CEP170B: variants seen among roughly 807,000 people sequenced by gnomAD.
CEP170B encodes the protein centrosomal protein of 170 kDa protein B.
CEP170B carries 55 observed loss-of-function variants against 120.6 expected under a neutral mutation model. The ratio of observed to expected loss-of-function variants is 0.46; its 90% CI spans 0.37 to 0.57. CEP170B has a LOEUF of 0.57. Ranked by LOEUF, CEP170B falls within the 20% of genes least tolerant of loss-of-function variation. CEP170B has a pLI of 0.00. For synonymous variants in CEP170B, 1,033 were observed against 954.5 expected (o/e 1.08, Z -1.52); for missense variants, 2,212 against 2,253.3 (o/e 0.98, Z 0.37).
intron 6 of CEP170B, among the ~76,000 whole-genome samples, chr14:104,882,123 G>A (rs572267328): frequency 6.6e-6 from 1 of 152,300 alleles, no homozygotes; most frequent in African/African-American, 2.4e-5. Context: ...GGAAGGGCTG[G>A]GCTGCCGGCT....
At chr14:104,876,518 C>T (rs561282062) in intron 3 of CEP170B, among the ~76,000 whole-genome samples, 173 bp downstream of exon 3, 1 of 151,018 alleles carries the variant, frequency 6.6e-6, no homozygotes, top group South Asian at 2.1e-4. Context: ...CAGCCCTGGC[C>T]CCTCCTTCTC....
Position 104,887,218 on chromosome 14 carries a change from G to A in CEP170B, c.2979G>A (p.Gln993=). 1.2e-6 allele frequency: 2 copies of A among 1,605,906 alleles called. No individual in the cohort carries two copies. The highest frequency in any genetic ancestry group is 2.2e-5 in the South Asian group (2 of 91,046). Reference sequence around the variant, plus strand: ...TGTCGCCATCCCCGCCAGCTGCACAGGACCCGGGAGGCACCGCCCTGGTCA... The same window carrying A: ...TGTCGCCATCCCCGCCAGCTGCACAAGACCCGGGAGGCACCGCCCTGGTCA... ...KEMSPSPPAA[Q]DPGGTALVSA... Residue 993 remains glutamine (Q), a synonymous_variant, in exon 12 of 19, where the codon CAG becomes CAA. Coordinates refer to ENST00000414716, the MANE Select transcript of CEP170B (RefSeq NM_001112726.3).
Position 104,884,532 on chromosome 14 carries a change from C to G in CEP170B, c.1753C>G (p.Arg585Gly), listed in dbSNP as rs998323582. The G allele has an allele frequency of 6.4e-7, 1 of 1,558,322 alleles. No homozygotes were observed. Among genetic ancestry groups the G allele is most frequent in the Non-Finnish European group, 8.7e-7 (1 of 1,151,478 alleles). ...GCAGGACACGGAGGTGGAGGAGGCC[C>G]GGAAGATGATCGACCAGGTGCAGCC... ...EAQDTEVEEA[R>G]KMIDQVFGVL... Residue 585 changes from arginine to glycine, a missense_variant, in exon 9 of 19, where the codon CGG becomes GGG. By Grantham distance (125) the Arg-to-Gly change is moderately radical. Coordinates refer to ENST00000414716, the MANE Select transcript of CEP170B (RefSeq NM_001112726.3).
chr14:104,887,913 C>T lies in CEP170B; in HGVS notation c.3674C>T (p.Ala1225Val). The T allele has an allele frequency of 1.3e-6, 2 of 1,550,984 alleles. No homozygotes were observed. Among genetic ancestry groups the T allele is most frequent in the East Asian group, 2.4e-5 (1 of 42,052 alleles). Residue 1225 changes from alanine (A) to valine (V), a missense_variant, in exon 12 of 19, where the codon GCC becomes GTC. Physicochemically the swap from Ala to Val is moderately conservative, Grantham distance 64. This residue lies in a region of CEP170B where 2,166 missense variants were observed against 2,166.7 expected (regional missense o/e 1.00). Transcript: ENST00000414716. The part of the protein sequence containing the change: ...RAVSRKAANT[A>V]TTTGPRQPFS... ...GTCTCCAGGAAGGCTGCCAACACAG[C>T]CACCACCACGGGTCCCCGCCAGCCC... is the stretch of plus-strand genomic sequence containing the variant.
chr14:104,893,617 G>C lies in CEP170B; in HGVS notation c.4133G>C (p.Ser1378Thr), dbSNP rs556794072. ...GACTTTGACCAGAACATGAACGACA[G>C]CTGTGAGGACGCCCTGGCCAACAAG... ...SRDFDQNMND[S>T]CEDALANKTR... is the part of the protein sequence containing the mutation. The change falls in exon 15 of 19, where the codon AGC becomes ACC. Residue 1378 changes from serine to threonine, a missense_variant. Ser to Thr is a moderately conservative substitution (Grantham distance 58). This residue lies in a region of CEP170B where 2,166 missense variants were observed against 2,166.7 expected (regional missense o/e 1.00). Transcript: ENST00000414716. The C allele has an allele frequency of 6.3e-7, 1 of 1,599,184 alleles. No individual in the cohort carries two copies. The highest frequency in any genetic ancestry group is 1.3e-5 in the African/African-American group (1 of 74,742).
rs756896563 is a variant in CEP170B at position 104,887,289 on chromosome 14, C to T, written c.3050C>T (p.Pro1017Leu). The T allele has an allele frequency of 1.2e-5, 20 of 1,609,118 alleles. 1 individual carries two copies. The highest frequency in any genetic ancestry group is 1.1e-4 in the African/African-American group (8 of 74,898). The change falls in exon 12 of 19, where the codon CCG (proline) becomes CTG (leucine). Residue 1017 changes from proline to leucine, a missense_variant. Physicochemically the swap from Pro to Leu is moderately conservative, Grantham distance 98. Around this residue, in one of 2 missense-constraint regions of CEP170B, gnomAD observed 2,166 missense variants for 2,166.7 expected, o/e 1.00. Coordinates refer to ENST00000414716, the MANE Select transcript of CEP170B (RefSeq NM_001112726.3). ...GAGAGGCAGCATCACCCACTTGGCC[C>T]GACGGACATGGGCCGTGGAGAGCCG... ...SSERQHHPLG[P>L]TDMGRGEPVR...
At chr14:104,875,077 C>T (rs369440970) in intron 2 of CEP170B, among the ~76,000 whole-genome samples, 1 of 152,226 alleles carries the variant, frequency 6.6e-6, no homozygotes, top group African/African-American at 2.4e-5. Flanking sequence ...ATGACGGTGC[C>T]CTGTGGTGGG....
intron 12 of CEP170B, chr14:104,889,388 G>T (rs1896675970): frequency 1.9e-6 from 2 of 1,038,058 alleles, no homozygotes; most frequent in Non-Finnish European, 2.7e-6. Flanking sequence ...CTGGGTGGGG[G>T]CACCAGCCTC....
rs1896695618 is a variant in CEP170B at position 104,889,705 on chromosome 14, G to T, written c.3825G>T (p.Glu1275Asp). ...GPRDTDDDEE[E>D]PDPYGFIVQT... The stretch of plus-strand genomic sequence containing the variant: ...GGGACACGGACGACGATGAGGAGGA[G>T]CCTGACCCTTATGGTTTCATCGTGC... Residue 1275 changes from glutamate (E) to aspartate (D), a missense_variant, in exon 13 of 19, where the codon GAG becomes GAT. Physicochemically the swap from Glu to Asp is conservative, Grantham distance 45. Transcript: ENST00000414716. The T allele has an allele frequency of 6.2e-7, 1 of 1,611,890 alleles. No individual in the cohort carries two copies. Among genetic ancestry groups the T allele is most frequent in the Non-Finnish European group, 8.5e-7 (1 of 1,179,436 alleles).
Position 104,883,697 on chromosome 14 carries a change from C to T in CEP170B, c.1052-134C>T. ...TGCGTCTTCCCGTTGCACTTCTTTG[C>T]CCTGTGTGGGGGGGCCCTGAGGGCT... On this transcript the variant is annotated intron_variant, in intron 8 of 18. Transcript: ENST00000414716. 2.7e-6 allele frequency: 3 copies of T among 1,101,680 alleles called. No individual in the cohort carries two copies. In the South Asian group the frequency reaches 4.9e-5, roughly 18 times the overall value. 68.2% of individuals were successfully genotyped at this position (1,101,680 alleles called of 1,614,324 possible).
chr14:104,872,476 T>TGCGC (rs1211307252), intron 2 of CEP170B, among the ~76,000 whole-genome samples: 2 of 109,484 alleles, frequency 1.8e-5, no homozygotes. Context: ...GTGCCGTGTG[T>TGCGC]GTGCGTGTGT....
chr14:104,886,017 C>T lies in CEP170B; in HGVS notation c.1945-23C>T, dbSNP rs1360193854. The T allele has an allele frequency of 2.6e-6, 4 of 1,510,020 alleles. No homozygotes were observed. The East Asian group carries it at 7.4e-5, about 28-fold the overall frequency. The allele number at this position is 1,510,020 out of a possible 1,614,324, so 93.5% of individuals were successfully genotyped here. On this transcript the variant is annotated intron_variant, in intron 10 of 18. Transcript: ENST00000414716. ...TCGCCGTTGGGCTTGCGTGTGGAAA[C>T]ACTCCCACCCTCCTCTCCACAGGGC...
chr14:104,870,440 A>G lies in CEP170B; in HGVS notation c.105+1885A>G, dbSNP rs998599360. ...CAGCTGTATTTGGCGGGTTGCTCCC[A>G]TGGTCTGCGTACAGGGGTGGCATCA... is the stretch of plus-strand genomic sequence containing the variant. On this transcript the variant is annotated intron_variant, in intron 2 of 18. Coordinates refer to ENST00000414716, the MANE Select transcript of CEP170B (RefSeq NM_001112726.3). This position sits in a 1 kb window ranked among gnomAD's most constrained non-coding sequence, Gnocchi z 4.1. 5.9e-5 allele frequency among the ~76,000 whole-genome samples: 9 copies of G among 152,114 alleles called. No homozygotes were observed. The highest frequency in any genetic ancestry group is 1.9e-4 in the African/African-American group (8 of 41,412).
At chr14:104,876,184 A>G in intron 2 of CEP170B, 72 bp from the exon 3 acceptor site, 1 of 1,388,830 alleles carries the variant, frequency 7.2e-7, no homozygotes, top group Non-Finnish European at 1.0e-6. Flanking sequence ...GGGATGGAGC[A>G]GGGGTGCCTC....
Position 104,883,057 on chromosome 14 carries a change from G to T in CEP170B, c.600G>T (p.Gln200His). ...PYPERPKGPV[Q>H]QDGELHGFRA... ...CAGAGCGCCCCAAGGGACCAGTGCA[G>T]CAGGACGGGGAGCTCCACGGCTTCC... is the stretch of plus-strand genomic sequence containing the variant. The change falls in exon 8 of 19, where the codon CAG becomes CAT. Residue 200 changes from glutamine to histidine, a missense_variant. Transcript: ENST00000414716. 6.5e-7 allele frequency: 1 copy of T among 1,542,098 alleles called. No homozygotes were observed. Among genetic ancestry groups the T allele is most frequent in the South Asian group, 1.2e-5 (1 of 84,204 alleles).
rs375753389 is a variant in CEP170B at position 104,885,468 on chromosome 14, G to A, written c.1870G>A (p.Val624Met). 2.6e-5 allele frequency: 41 copies of A among 1,561,952 alleles called. No individual in the cohort carries two copies. The highest frequency in any genetic ancestry group is 2.3e-4 in the Admixed American group (12 of 51,678). ...GDRDESDDGG[V>M]AQRMALLQEF... ...CAGAGATGAGTCTGATGACGGGGGCGTGGCCCAGCGGATGGCGCTACTGCA... is the reference window on the plus strand; with the variant it reads ...CAGAGATGAGTCTGATGACGGGGGCATGGCCCAGCGGATGGCGCTACTGCA... The change falls in exon 10 of 19, where the codon GTG (valine) becomes ATG (methionine). Residue 624 changes from valine (V) to methionine (M), a missense_variant. Val to Met is a conservative substitution (Grantham distance 21). This residue lies in a region of CEP170B where 2,166 missense variants were observed against 2,166.7 expected (regional missense o/e 1.00). Coordinates refer to ENST00000414716, the MANE Select transcript of CEP170B (RefSeq NM_001112726.3).
intron 12 of CEP170B, 147 bp downstream of exon 12, chr14:104,888,125 T>A: frequency 1.1e-6 from 1 of 931,968 alleles, no homozygotes; most frequent in Non-Finnish European, 1.6e-6. Flanking sequence ...GTAGATGTGT[T>A]GCTGGACTCA....
intron 6 of CEP170B, among the ~76,000 whole-genome samples, chr14:104,881,466 C>T (rs762184273): frequency 6.6e-6 from 1 of 152,186 alleles, no homozygotes; most frequent in Non-Finnish European, 1.5e-5. Context: ...GTTGTACAGC[C>T]GCAGCTGCCG....
chr14:104,889,554 C>A, intron 12 of CEP170B, 66 bp from the exon 13 acceptor site: 1 of 1,600,686 alleles, frequency 6.2e-7, no homozygotes, highest in Non-Finnish European at 8.5e-7. Context: ...TACACGTCCA[C>A]CTCTGAGGAG....
Sources: allele counts gnomAD v4.1 joint callset (sites outside exome capture counted in the v4.1 genomes callset), GRCh38; gene constraint gnomAD v4.1.1; regional missense constraint gnomAD v4.1.1; non-coding constraint Gnocchi (gnomAD v3.1); transcripts MANE v1.5; gene names NCBI Gene and HGNC (gene_info 2026-07-23, HGNC 2026-07-21).